The following RUNX1T1 variants were observed in gnomAD, a reference collection of about 807,000 sequenced individuals.
RUNX1T1 encodes the protein protein CBFA2T1.
Under a neutral mutation model 62.8 loss-of-function variants are expected in RUNX1T1, and 4 were observed. The observed-to-expected ratio is 0.06, with a 90% CI of 0.03 to 0.15. The LOEUF is 0.15. Ranked by LOEUF, RUNX1T1 falls within the 10% of genes least tolerant of loss-of-function variation. The probability of loss-of-function intolerance (pLI) is 1.00; values close to 1 mark genes in which losing one functional copy is unlikely to be tolerated. For missense variants in RUNX1T1, 508 were observed against 754.3 expected (o/e 0.67, Z 3.82); for synonymous variants, 291 against 286.0 (o/e 1.02, Z -0.18).
chr8:91,999,394 A>T (rs1819333212), intron 5 of RUNX1T1, among the ~76,000 whole-genome samples: 1 of 152,208 alleles, frequency 6.6e-6, no homozygotes, highest in African/African-American at 2.4e-5. Flanking sequence ...TCTGCCTGCA[A>T]AATGGGAAAT....
downstream of RUNX1T1, chr8:91,956,646 T>A: frequency 4.4e-6 from 1 of 225,492 alleles, no homozygotes; most frequent in Non-Finnish European, 8.8e-6. Flanking sequence ...CATAGTAGAC[T>A]TAAAAGCTCA....
chr8:92,075,082 C>T lies in RUNX1T1; in HGVS notation c.88+883G>A, dbSNP rs531701487. On this transcript the variant is annotated intron_variant, in intron 2 of 11. Coordinates refer to the RUNX1T1 transcript ENST00000265814. ...GGGGTGGATGCTAGCAGTGATGTTT[C>T]CAGAACAGTGGTCACCAAGGGTGAG... is the stretch of plus-strand genomic sequence containing the variant. 3.0e-3 allele frequency among the ~76,000 whole-genome samples: 450 copies of T among 152,302 alleles called. 2 individuals are homozygous for T. The highest frequency in any genetic ancestry group is 4.0e-3 in the Non-Finnish European group (274 of 68,016).
chr8:92,084,575 T>C (rs1835798489), intron 1 of RUNX1T1, among the ~76,000 whole-genome samples: 2 of 152,194 alleles, frequency 1.3e-5, no homozygotes, highest in South Asian at 2.1e-4. Context: ...CATTAGAAAG[T>C]ACCCCAACTG....
intron 1 of RUNX1T1, among the ~76,000 whole-genome samples, chr8:92,094,000 C>T (rs1245077252): frequency 5.3e-5 from 8 of 152,168 alleles, no homozygotes; most frequent in African/African-American, 1.9e-4. Context: ...TGTCCTTTTC[C>T]ATTCTGTCTG....
At chr8:92,034,649 TAAAG>T (rs1826907634) in intron 1 of RUNX1T1, among the ~76,000 whole-genome samples, 3 of 125,458 alleles carry the variant, frequency 2.4e-5, no homozygotes, top group Admixed American at 2.3e-4. Flanking sequence ...AACAGACGAC[TAAAG>T]AAAATGGCAT....
intron 1 of RUNX1T1, among the ~76,000 whole-genome samples, chr8:92,038,663 C>T (rs958631663): frequency 1.3e-5 from 2 of 152,188 alleles, no homozygotes; most frequent in African/African-American, 4.8e-5. Context: ...ATCTCAAAGA[C>T]ACTGACTCAT....
chr8:92,052,160 T>G (rs1830345883), intron 1 of RUNX1T1, among the ~76,000 whole-genome samples: 1 of 152,186 alleles, frequency 6.6e-6, no homozygotes, highest in South Asian at 2.1e-4. Flanking sequence ...AATGAAACAT[T>G]TTTTAATTAC....
intron 2 of RUNX1T1, among the ~76,000 whole-genome samples, chr8:92,016,186 C>T (rs1428707946): frequency 6.6e-6 from 1 of 152,156 alleles, no homozygotes; most frequent in Non-Finnish European, 1.5e-5. Context: ...TCAACCAGGA[C>T]TTTGAGATTT....
chr8:92,073,667 A>G (rs1470100132), intron 2 of RUNX1T1, among the ~76,000 whole-genome samples: 1 of 152,242 alleles, frequency 6.6e-6, no homozygotes, highest in Non-Finnish European at 1.5e-5. Flanking sequence ...CAAAGAGGAA[A>G]AAAAAATTAG....
chr8:92,045,881 T>TA (rs1241315229), intron 1 of RUNX1T1, among the ~76,000 whole-genome samples: 1 of 152,218 alleles, frequency 6.6e-6, no homozygotes, highest in African/African-American at 2.4e-5. Context: ...ACTCAAAAGT[T>TA]ATACTTTGAG....
At chr8:91,987,476 C>T (rs1053691283) in intron 6 of RUNX1T1, among the ~76,000 whole-genome samples, 64 of 151,858 alleles carry the variant, frequency 4.2e-4, no homozygotes, top group African/African-American at 1.5e-3. Flanking sequence ...CATATACCTC[C>T]GTGATAAAAT....
chr8:91,973,030 GTGT>G (rs1813177125), intron 9 of RUNX1T1, among the ~76,000 whole-genome samples: 1 of 151,910 alleles, frequency 6.6e-6, no homozygotes, highest in Non-Finnish European at 1.5e-5. Flanking sequence ...TTAAAAATGT[GTGT>G]TGTTATGTTA....
intron 1 of RUNX1T1, among the ~76,000 whole-genome samples, chr8:92,055,918 A>C (rs1331075778): frequency 6.6e-6 from 1 of 152,250 alleles, no homozygotes; most frequent in Non-Finnish European, 1.5e-5. Context: ...GTAACTGCTA[A>C]GTATATAGGT....
At chr8:92,095,400 G>C in intron 1 of RUNX1T1, 8 of 1,535,552 alleles carry the variant, frequency 5.2e-6, no homozygotes, top group Non-Finnish European at 7.0e-6. Context: ...CACCCAGACC[G>C]CGGCTTTGTA....
At chr8:92,032,365 T>A (rs886799142) in intron 1 of RUNX1T1, among the ~76,000 whole-genome samples, 10 of 152,068 alleles carry the variant, frequency 6.6e-5, no homozygotes, top group Non-Finnish European at 1.2e-4. Flanking sequence ...ATGCCATATA[T>A]TCAAATTCAC....
chr8:91,986,789 T>TG, intron 7 of RUNX1T1, 98 bp downstream of exon 8: 1 of 774,684 alleles, frequency 1.3e-6, no homozygotes, highest in Admixed American at 1.9e-5. Flanking sequence ...GGAAAAACAA[T>TG]GCCTTCAAAG....
At chr8:91,955,512 C>T (rs1033925117), downstream of RUNX1T1, 3 of 225,384 alleles carry the variant, frequency 1.3e-5, no homozygotes, top group African/African-American at 2.2e-5. Flanking sequence ...TCCTGGTGTG[C>T]ACTACCAAAT....
upstream of RUNX1T1, chr8:92,062,967 C>G (rs2130621625): frequency 8.2e-7 from 1 of 1,218,840 alleles, no homozygotes; most frequent in East Asian, 3.7e-5. Context: ...TTATTCACCA[C>G]CACCCCCATC....
At chr8:92,016,631 T>C (rs1002765978) in intron 2 of RUNX1T1, among the ~76,000 whole-genome samples, 6 of 152,056 alleles carry the variant, frequency 3.9e-5, no homozygotes, top group Non-Finnish European at 8.8e-5. Flanking sequence ...GCTGAGATCG[T>C]GCCACTGCAC....
Sources: allele counts gnomAD v4.1 joint callset (sites outside exome capture counted in the v4.1 genomes callset), GRCh38; gene constraint gnomAD v4.1.1; transcripts MANE v1.5; gene names NCBI Gene and HGNC (gene_info 2026-07-23, HGNC 2026-07-21).